Variants in AKAP11 observed in about 807,000 individuals in gnomAD.
AKAP11 encodes A-kinase anchoring protein 11, also known as A-kinase anchor protein 11.
In AKAP11, 36 loss-of-function variants were observed where a neutral mutation model predicts 146.1. The ratio of observed to expected loss-of-function variants is 0.25; its 90% confidence interval spans 0.19 to 0.33. AKAP11 has a LOEUF of 0.33. AKAP11 is among the 10% of genes least tolerant of loss of function. AKAP11 has a pLI of 1.00. For missense variants in AKAP11, 2,201 were observed against 2,197.0 expected, an observed-to-expected ratio of 1.00 and a Z score of -0.04; for synonymous variants, 780 against 786.5, an observed-to-expected ratio of 0.99 and a Z score of 0.14.
intron 6 of AKAP11, among the ~76,000 whole-genome samples, chr13:42,297,730 G>A (rs1421428164): frequency 6.6e-6 from 1 of 151,848 alleles, no homozygotes; most frequent in African/African-American, 2.4e-5. Flanking sequence ...CAGAGAAAAT[G>A]CTTTGCATTC....
chr13:42,317,535 G>A lies in AKAP11; in HGVS notation c.5412G>A (p.Gly1804=), dbSNP rs770994442. The change falls in exon 12 of 13, where the codon GGG becomes GGA. Residue 1804 remains glycine, a synonymous_variant. Transcript: ENST00000025301. ...TTTACATTTAAATATTAGGTTTGGG[G>A]CAAGATGGAAAGACACTGCTAATTA... ...EEHEDEVEGL[G]QDGKTLLITN... is the part of the protein sequence containing the mutation. 20 of 1,612,530 alleles carry A rather than the reference G, an allele frequency of 1.2e-5. No homozygotes were observed. The highest frequency in any genetic ancestry group is 2.2e-5 in the East Asian group (1 of 44,844).
intron 3 of AKAP11, among the ~76,000 whole-genome samples, chr13:42,291,314 G>A (rs1319515867): frequency 1.3e-5 from 2 of 152,090 alleles, no homozygotes; most frequent in Non-Finnish European, 2.9e-5. Flanking sequence ...GTGCAGTGGC[G>A]CAGTCTCAGC....
Position 42,306,689 on chromosome 13 carries a change from C to G in AKAP11, c.5118-1765C>G, listed in dbSNP as rs1960277071. On this transcript the variant is annotated intron_variant, in intron 8 of 12. Transcript: ENST00000025301. Reference sequence around the variant, plus strand: ...TGTCTTTCAAACTTGAAAGGAGATTCATTCAGATGGATTATTCTTTAAGGT... The same window carrying G: ...TGTCTTTCAAACTTGAAAGGAGATTGATTCAGATGGATTATTCTTTAAGGT... Among the ~76,000 whole-genome samples the G allele has an allele frequency of 2.0e-5, 3 of 152,194 alleles. No individual in the cohort carries two copies. The South Asian group carries it at 6.2e-4, about 31-fold the overall frequency.
At chr13:42,308,698 A>G (rs1960408550) in intron 9 of AKAP11, 89 bp downstream of exon 9, 5 of 1,029,176 alleles carry the variant, frequency 4.9e-6, no homozygotes, top group African/African-American at 1.6e-5. Flanking sequence ...TAAAAATTCT[A>G]AATTTGAAAA....
Position 42,300,910 on chromosome 13 carries a change from A to G in AKAP11, c.2164A>G (p.Thr722Ala). The G allele has an allele frequency of 1.9e-6, 3 of 1,614,144 alleles. No homozygotes were observed. The highest frequency in any genetic ancestry group is 1.1e-5 in the South Asian group (1 of 91,076). Reference sequence around the variant, plus strand: ...AACAAAGGCAGCAGTTAGTGTCTCTACGGATAATATCAAGTATGTGAGTGC... The same window carrying G: ...AACAAAGGCAGCAGTTAGTGTCTCTGCGGATAATATCAAGTATGTGAGTGC... ...FTTKAAVSVS[T>A]DNIKYVSAES... Residue 722 changes from threonine (T) to alanine (A), a missense_variant, in exon 8 of 13, where the codon ACG becomes GCG. Physicochemically the swap from Thr to Ala is moderately conservative, Grantham distance 58. Coordinates refer to ENST00000025301, the MANE Select transcript of AKAP11 (RefSeq NM_016248.4).
rs146952263 is a variant in AKAP11, at chr13:42,302,273, G to A, written c.3527G>A (p.Ser1176Asn). The A allele has an allele frequency of 6.8e-6, 11 of 1,614,198 alleles. No individual in the cohort carries two copies. The highest frequency in any genetic ancestry group is 1.7e-5 in the Admixed American group (1 of 60,024). ...LMRSLSEEVESSESGELPEVD... is the reference protein window; with the variant it reads ...LMRSLSEEVENSESGELPEVD... ...CGATCTCTTTCTGAAGAAGTTGAGA[G>A]TAGTGAAAGTGGAGAGCTCCCAGAA... The change falls in exon 8 of 13, where the codon AGT becomes AAT. Residue 1176 changes from serine (S) to asparagine (N), a missense_variant. By Grantham distance (46) the Ser-to-Asn change is conservative (BLOSUM62 1). Coordinates refer to ENST00000025301, the MANE Select transcript of AKAP11 (RefSeq NM_016248.4).
chr13:42,296,992 A>G, intron 5 of AKAP11, 56 bp from the exon 6 acceptor site: 1 of 1,492,372 alleles, frequency 6.7e-7, no homozygotes, highest in South Asian at 1.4e-5. Context: ...ACATTATAGG[A>G]ACCTTAACAA....
intron 7 of AKAP11, 95 bp from the exon 8 acceptor site, chr13:42,299,265 ATAT>A (rs1959702286): frequency 1.0e-6 from 1 of 988,572 alleles, no homozygotes; most frequent in Non-Finnish European, 1.5e-6. Context: ...ATACACATAA[ATAT>A]TATATGTTTA....
chr13:42,272,138 C>G (rs1958781486), upstream of AKAP11: 1 of 141,018 alleles, frequency 7.1e-6, no homozygotes, highest in Admixed American at 7.1e-5. Flanking sequence ...TGGGGGTCAG[C>G]GCGGGAGGGG....
intron 11 of AKAP11, among the ~76,000 whole-genome samples, chr13:42,316,707 CTT>C (rs2138715397): frequency 6.6e-6 from 1 of 152,280 alleles, no homozygotes; most frequent in African/African-American, 2.4e-5. Flanking sequence ...CTGGGGCTCT[CTT>C]TGCCTCAGAT....
intron 3 of AKAP11, 44 bp from the exon 4 acceptor site, chr13:42,292,341 G>C: frequency 7.9e-7 from 1 of 1,260,472 alleles, no homozygotes; most frequent in Non-Finnish European, 1.1e-6. Flanking sequence ...CCTTGTCTTA[G>C]AATTAAATAA....
chr13:42,310,125 G>A (rs965108905), intron 9 of AKAP11, among the ~76,000 whole-genome samples: 2 of 152,136 alleles, frequency 1.3e-5, no homozygotes, highest in Non-Finnish European at 2.9e-5. Context: ...TGTTTAACAT[G>A]GATAAATGCA....
intron 8 of AKAP11, among the ~76,000 whole-genome samples, chr13:42,307,923 G>A (rs938644976): frequency 1.3e-5 from 2 of 152,194 alleles, no homozygotes; most frequent in East Asian, 1.9e-4. Flanking sequence ...TGTGATGATG[G>A]AATAAAAGTA....
chr13:42,286,682 A>G (rs987411126), intron 3 of AKAP11, among the ~76,000 whole-genome samples: 1 of 152,156 alleles, frequency 6.6e-6, no homozygotes, highest in Non-Finnish European at 1.5e-5. Flanking sequence ...AAGCTTTCTT[A>G]TATACCTTTA....
intron 8 of AKAP11, 104 bp from the exon 9 acceptor site, chr13:42,308,350 C>T (rs539757326): frequency 1.0e-6 from 1 of 970,932 alleles, no homozygotes; most frequent in South Asian, 1.9e-5. Flanking sequence ...ATTCCGAATA[C>T]CATTTCTTGT....
intron 4 of AKAP11, among the ~76,000 whole-genome samples, chr13:42,293,418 G>A (rs772943503): frequency 2.0e-5 from 3 of 152,070 alleles, no homozygotes; most frequent in African/African-American, 2.4e-5. Context: ...TCTATTTGAC[G>A]TCATTTCATA....
In AKAP11 at chr13:42,292,488, C is replaced by G. The variant is rs139846662; in HGVS notation, c.155C>G (p.Ala52Gly). The change falls in exon 4 of 13, where the codon GCC becomes GGC. Residue 52 changes from alanine to glycine, a missense_variant. Coordinates refer to ENST00000025301, the MANE Select transcript of AKAP11 (RefSeq NM_016248.4). ...GACTGTTTACAGCAGGATGAGCATG[C>G]CAATTTAACTGAGGTTTAACATACT... ...AEDCLQQDEH[A>G]NLTEVTFLGF... 15 of 1,564,982 alleles carry G rather than the reference C, an allele frequency of 9.6e-6. No individual in the cohort carries two copies. The African/African-American group carries it at 2.0e-4, about 21-fold the overall frequency.
intron 1 of AKAP11, among the ~76,000 whole-genome samples, chr13:42,272,869 A>G (rs540895655): frequency 2.6e-5 from 4 of 152,240 alleles, no homozygotes; most frequent in Non-Finnish European, 5.9e-5. Context: ...TAATCCAGGC[A>G]TCTAAGCTGC....
At chr13:42,296,817 C>G (rs1488205830) in intron 5 of AKAP11, among the ~76,000 whole-genome samples, 1 of 151,894 alleles carries the variant, frequency 6.6e-6, no homozygotes, top group Non-Finnish European at 1.5e-5. Context: ...AGCTTGATAT[C>G]AGTACATTTT....
Sources: allele counts gnomAD v4.1 joint callset (sites outside exome capture counted in the v4.1 genomes callset), GRCh38; gene constraint gnomAD v4.1.1; transcripts MANE v1.5; gene names NCBI Gene and HGNC (gene_info 2026-07-23, HGNC 2026-07-21).